EXOSC1: variants seen among roughly 807,000 people sequenced by gnomAD.
EXOSC1 encodes exosome component 1, also known as exosome complex component CSL4.
Under a neutral mutation model 31.4 loss-of-function variants are expected in EXOSC1, and 27 were observed. The ratio of observed to expected loss-of-function variants is 0.86; its 90% CI spans 0.63 to 1.18. The LOEUF (loss-of-function observed/expected upper bound fraction) is 1.18. EXOSC1 is among the 50% of genes most tolerant of loss of function. The pLI is 0.00. For missense variants in EXOSC1, 228 were observed against 250.3 expected (o/e 0.91, Z 0.60); for synonymous variants, 84 against 89.5 (o/e 0.94, Z 0.35).
In EXOSC1 at chr10:97,435,935, T is replaced by C. The variant is rs909781145; in HGVS notation, c.*510A>G. Among the ~76,000 whole-genome samples the C allele has an allele frequency of 6.6e-6, 1 of 152,210 alleles. No individual in the cohort carries two copies. Among genetic ancestry groups the C allele is most frequent in the African/African-American group, 2.4e-5 (1 of 41,456 alleles). On this transcript the variant is annotated 3_prime_UTR_variant, in exon 8 of 8. Transcript: ENST00000370902. Reference sequence around the variant, plus strand: ...CCCAAAGTGCTGGGATTTACAAACATGAGCCACCATGCCTGCCTCACATGC... The same window carrying C: ...CCCAAAGTGCTGGGATTTACAAACACGAGCCACCATGCCTGCCTCACATGC...
chr10:97,445,813 C>G lies in EXOSC1; in HGVS notation c.66G>C (p.Pro22=). The G allele has an allele frequency of 1.2e-6, 2 of 1,613,892 alleles. No homozygotes were observed. The highest frequency in any genetic ancestry group is 8.5e-7 in the Non-Finnish European group (1 of 1,179,878). Residue 22 remains proline, a synonymous_variant, in exon 2 of 8, where the codon CCG becomes CCC. Coordinates refer to ENST00000370902, the MANE Select transcript of EXOSC1 (RefSeq NM_016046.5). ...ERLCNLEEGS[P]GSGTYTRHGY... ...CGTGGCGGGTGTAGGTGCCGCTGCC[C>G]GGGCTGCCCTCCTCCAAGTTACACA... is the stretch of plus-strand genomic sequence containing the variant.
chr10:97,442,934 G>A (rs1486160624), intron 3 of EXOSC1, among the ~76,000 whole-genome samples: 1 of 152,016 alleles, frequency 6.6e-6, no homozygotes, highest in East Asian at 1.9e-4. Flanking sequence ...CAGGTGATCT[G>A]CCCACCTCGG....
intron 4 of EXOSC1, among the ~76,000 whole-genome samples, chr10:97,440,089 C>T (rs1845668636): frequency 6.6e-6 from 1 of 151,884 alleles, no homozygotes; most frequent in Non-Finnish European, 1.5e-5. Context: ...TCTCCTGCCT[C>T]AGCCTCCCTA....
chr10:97,441,630 A>G (rs374276450), intron 3 of EXOSC1, among the ~76,000 whole-genome samples: 202 of 151,034 alleles, frequency 1.3e-3, no homozygotes, highest in African/African-American at 4.7e-3. Flanking sequence ...AGCTGGGATT[A>G]CAGGCATGCA....
chr10:97,445,773 A>G lies in EXOSC1; in HGVS notation c.106T>C (p.Ser36Pro), dbSNP rs754950911. 6.2e-7 allele frequency: 1 copy of G among 1,613,916 alleles called. No individual in the cohort carries two copies. The highest frequency in any genetic ancestry group is 2.2e-5 in the East Asian group (1 of 44,866). The change falls in exon 2 of 8, where the codon TCG (serine) becomes CCG (proline). Residue 36 changes from serine (S) to proline (P), a missense_variant. Coordinates refer to ENST00000370902, the MANE Select transcript of EXOSC1 (RefSeq NM_016046.5). ...CTCTTCATCAGACAGCCGGCAAGCG[A>G]CGAAAAGATGTAGCCGTGGCGGGTG... ...TYTRHGYIFS[S>P]LAGCLMKSSE...
At chr10:97,439,924 G>C (rs1255929584) in intron 4 of EXOSC1, among the ~76,000 whole-genome samples, 1 of 150,474 alleles carries the variant, frequency 6.6e-6, no homozygotes, top group Non-Finnish European at 1.5e-5. Flanking sequence ...TAACCTCTGA[G>C]TTCAATCTAT....
chr10:97,441,485 G>GTTTT (rs1564788825), intron 3 of EXOSC1, among the ~76,000 whole-genome samples: 1 of 150,206 alleles, frequency 6.7e-6, no homozygotes, highest in Non-Finnish European at 1.5e-5. Context: ...AGGTGGTATG[G>GTTTT]GTTTTTTTTT....
In EXOSC1 at chr10:97,437,239, T is replaced by A. The variant is rs1564786520; in HGVS notation, c.433A>T (p.Thr145Ser). The change falls in exon 7 of 8, where the codon ACC becomes TCC. Residue 145 changes from threonine to serine, a missense_variant. Physicochemically the swap from Thr to Ser is moderately conservative, Grantham distance 58 (BLOSUM62 1). Coordinates refer to ENST00000370902, the MANE Select transcript of EXOSC1 (RefSeq NM_016046.5). ...LGDAQSNYLL[T>S]TAENELGVVV... ...ACTCCCAGCTCGTTCTCGGCGGTGGTTAGCAGGTAGTTGGACTGTGCATCA... is the reference window on the plus strand; with the variant it reads ...ACTCCCAGCTCGTTCTCGGCGGTGGATAGCAGGTAGTTGGACTGTGCATCA... 1 of 1,614,038 alleles carries A rather than the reference T, an allele frequency of 6.2e-7. No individual in the cohort carries two copies.
At chr10:97,443,180 G>A in intron 3 of EXOSC1, 57 bp downstream of exon 3, 1 of 1,425,542 alleles carries the variant, frequency 7.0e-7, no homozygotes, top group Non-Finnish European at 9.8e-7. Flanking sequence ...GTTCTGGTAT[G>A]GTCATGATTT....
chr10:97,437,592 C>T, intron 6 of EXOSC1, 108 bp downstream of exon 6: 1 of 1,020,560 alleles, frequency 9.8e-7, no homozygotes. Context: ...AGGTGATCCA[C>T]CCGCCCTGGC....
chr10:97,437,825 A>G (rs1206557924), intron 5 of EXOSC1, 75 bp from the exon 6 acceptor site: 18 of 1,215,674 alleles, frequency 1.5e-5, no homozygotes, highest in Non-Finnish European at 2.2e-5. Context: ...GCTTCTGGTA[A>G]AGCCAATCTA....
chr10:97,437,328 C>A (rs1443247372), intron 6 of EXOSC1, 53 bp from the exon 7 acceptor site: 5 of 1,392,924 alleles, frequency 3.6e-6, no homozygotes, highest in Non-Finnish European at 5.0e-6. Flanking sequence ...TCTTCCCCCA[C>A]CTTAGCCACC....
chr10:97,441,423 A>C (rs561329891), intron 3 of EXOSC1, among the ~76,000 whole-genome samples, 164 bp from the exon 4 acceptor site: 2 of 152,076 alleles, frequency 1.3e-5, no homozygotes, highest in South Asian at 4.1e-4. Context: ...GACACATGTA[A>C]AGAGGAATAA....
chr10:97,438,710 A>C lies in EXOSC1; in HGVS notation c.312-7T>G. On this transcript the variant is annotated splice_polypyrimidine_tract_variant and splice_region_variant and intron_variant, in intron 4 of 7. Coordinates refer to ENST00000370902, the MANE Select transcript of EXOSC1 (RefSeq NM_016046.5). ...TGCTCGGACATCTTCCTTGCTATAAAAAAAGAATTAACAGAAAGATTAATT... is the reference window on the plus strand; with the variant it reads ...TGCTCGGACATCTTCCTTGCTATAACAAAAGAATTAACAGAAAGATTAATT... The C allele has an allele frequency of 1.2e-6, 2 of 1,603,878 alleles. No homozygotes were observed. The highest frequency in any genetic ancestry group is 1.7e-6 in the Non-Finnish European group (2 of 1,175,896).
intron 4 of EXOSC1, among the ~76,000 whole-genome samples, chr10:97,438,950 C>G (rs1845633386): frequency 6.6e-6 from 1 of 151,956 alleles, no homozygotes; most frequent in African/African-American, 2.4e-5. Flanking sequence ...TGGGGTTTCA[C>G]CATGTTGGCC....
Position 97,445,945 on chromosome 10 carries a change from G to A in EXOSC1, c.31+10C>T, listed in dbSNP as rs1589476807. 1.2e-6 allele frequency: 2 copies of A among 1,614,118 alleles called. No individual in the cohort carries two copies. Among genetic ancestry groups the A allele is most frequent in the East Asian group, 2.2e-5 (1 of 44,876 alleles). ...CTATCCAGGACTCTGTACGGGAAGC[G>A]CTCACTTACCGGGGATGCAGTATCT... On this transcript the variant is annotated intron_variant, in intron 1 of 7. Transcript: ENST00000370902.
chr10:97,438,896 C>T (rs949730902), intron 4 of EXOSC1, among the ~76,000 whole-genome samples, 193 bp from the exon 5 acceptor site: 3 of 151,830 alleles, frequency 2.0e-5, no homozygotes, highest in Non-Finnish European at 4.4e-5. Context: ...GAATTACAGG[C>T]ACGTCCGCCA....
At chr10:97,444,378 G>A (rs1564790643) in intron 2 of EXOSC1, 1 of 152,086 alleles carries the variant, frequency 6.6e-6, no homozygotes, top group Non-Finnish European at 1.5e-5. Flanking sequence ...CCCACTTTCA[G>A]ATCTCTCTTC....
chr10:97,439,328 A>G (rs1845643129), intron 4 of EXOSC1, among the ~76,000 whole-genome samples: 1 of 152,206 alleles, frequency 6.6e-6, no homozygotes, highest in Non-Finnish European at 1.5e-5. Context: ...GGCTGCATAG[A>G]AGGAAGTGAG....
Sources: gnomAD v4.1 joint callset for allele counts (sites outside exome capture counted in the v4.1 genomes callset) on GRCh38, gnomAD v4.1.1 for gene constraint, MANE v1.5 for transcripts, NCBI Gene and HGNC (gene_info 2026-07-23, HGNC 2026-07-21) for gene names.